Variants in DNAH9 observed in about 807,000 individuals in gnomAD.
The protein encoded by DNAH9 is DNAH9 variant protein.
A neutral mutation model predicts 471.6 loss-of-function variants in DNAH9; 345 were observed. That is an observed-to-expected ratio of 0.73 (90% CI 0.67 to 0.80). DNAH9 has a LOEUF of 0.80. Among genes scored for constraint, DNAH9 ranks in the 30% least tolerant of loss-of-function variants. DNAH9 has a pLI of 0.00. For synonymous variants in DNAH9, 2,093 were observed against 2,123.6 expected, an observed-to-expected ratio of 0.99 and a Z score of 0.40; for missense variants, 5,407 against 5,609.2, an observed-to-expected ratio of 0.96 and a Z score of 1.15.
At chr17:11,727,195 C>T (rs906705446) in intron 27 of DNAH9, among the ~76,000 whole-genome samples, 2 of 151,972 alleles carry the variant, frequency 1.3e-5, no homozygotes, top group Admixed American at 6.6e-5. Context: ...TTGGTTGCCC[C>T]GTGACTTACC....
intron 26 of DNAH9, among the ~76,000 whole-genome samples, chr17:11,707,959 CCACACACACACACA>C (rs756020074): frequency 0.011 from 1,131 of 106,340 alleles, 9 homozygotes; most frequent in East Asian, 0.032. Context: ...GCCTCTCCCA[CCACACACACACACA>C]CACACACACA....
rs148236623 is a variant in DNAH9 at position 11,838,387 on chromosome 17, G to A, written c.9507+3489G>A. 6.3e-3 allele frequency among the ~76,000 whole-genome samples: 965 copies of A among 152,254 alleles called. 8 individuals carry two copies. The highest frequency in any genetic ancestry group is 0.021 in the African/African-American group (865 of 41,542). ...TAAACTATGTGCATGTGTTACATTA[G>A]CAGAAATAAAAATTAAAAAATTTCA... On this transcript the variant is annotated intron_variant, in intron 49 of 68. Transcript: ENST00000262442.
At chr17:11,756,035 G>T (rs1967369423) in intron 33 of DNAH9, among the ~76,000 whole-genome samples, 1 of 152,098 alleles carries the variant, frequency 6.6e-6, no homozygotes. Context: ...TGAGCACTTT[G>T]GGAAGCTGAG....
At chr17:11,663,857 G>GAT (rs1463287707) in intron 14 of DNAH9, among the ~76,000 whole-genome samples, 1 of 152,198 alleles carries the variant, frequency 6.6e-6, no homozygotes, top group Non-Finnish European at 1.5e-5. Context: ...TTTGCATGGT[G>GAT]ATGGACTTTA....
intron 38 of DNAH9, among the ~76,000 whole-genome samples, chr17:11,779,108 C>G (rs1157648623): frequency 6.6e-6 from 1 of 152,132 alleles, no homozygotes; most frequent in African/African-American, 2.4e-5. Flanking sequence ...TGACACGGGT[C>G]TGTGTGGCCA....
intron 27 of DNAH9, chr17:11,723,087 T>C (rs1319664265): frequency 1.3e-5 from 2 of 152,254 alleles, no homozygotes; most frequent in Non-Finnish European, 2.9e-5. Flanking sequence ...CAGTGTGATG[T>C]GTATACCTAT....
rs1464374491 is a variant in DNAH9, at chr17:11,623,010, G to T, written c.1350+3229G>T. On this transcript the variant is annotated intron_variant, in intron 6 of 68. Transcript: ENST00000262442. The surrounding 1 kb of genome is among the most constrained non-coding windows in gnomAD (Gnocchi z 4.1). Reference sequence around the variant, plus strand: ...TTTCTCGAGATGGAGTTTTGCTCTTGTTGCCCAGGCTGGAGTGCAGTGGCA... The same window carrying T: ...TTTCTCGAGATGGAGTTTTGCTCTTTTTGCCCAGGCTGGAGTGCAGTGGCA... 1.2e-4 allele frequency among the ~76,000 whole-genome samples: 12 copies of T among 99,700 alleles called. No homozygotes were observed. The highest frequency in any genetic ancestry group is 1.9e-4 in the Non-Finnish European group (10 of 53,198). The allele number at this position is 99,700 out of a possible 152,430, so 65.4% of individuals were successfully genotyped here.
At chr17:11,715,548 C>T (rs1439409886) in intron 26 of DNAH9, among the ~76,000 whole-genome samples, 1 of 152,154 alleles carries the variant, frequency 6.6e-6, no homozygotes, top group East Asian at 1.9e-4. Flanking sequence ...ACGGCCTCAC[C>T]TTTAAAATCC....
chr17:11,823,736 C>A (rs561352852), intron 48 of DNAH9, among the ~76,000 whole-genome samples: 2 of 152,134 alleles, frequency 1.3e-5, no homozygotes, highest in South Asian at 4.2e-4. Flanking sequence ...TCGAGACCAT[C>A]CTGGCCAACA....
intron 68 of DNAH9, among the ~76,000 whole-genome samples, 195 bp from the exon 69 acceptor site, chr17:11,969,105 G>A (rs1976985170): frequency 6.6e-6 from 1 of 152,292 alleles, no homozygotes; most frequent in East Asian, 1.9e-4. Context: ...GATTTAGGCA[G>A]AGAAAAATAG....
intron 67 of DNAH9, among the ~76,000 whole-genome samples, chr17:11,953,354 A>G (rs918158600): frequency 5.3e-5 from 8 of 152,140 alleles, no homozygotes; most frequent in Non-Finnish European, 8.8e-5. Context: ...GCATCAACCT[A>G]TGACATCAGT....
chr17:11,635,168 T>TA (rs1158207988), intron 8 of DNAH9, among the ~76,000 whole-genome samples: 1 of 151,828 alleles, frequency 6.6e-6, no homozygotes, highest in Non-Finnish European at 1.5e-5. Flanking sequence ...ATTTATTATT[T>TA]TTATTTATTT....
intron 67 of DNAH9, among the ~76,000 whole-genome samples, chr17:11,956,421 T>G (rs1486283947): frequency 6.6e-6 from 1 of 152,146 alleles, no homozygotes; most frequent in Admixed American, 6.5e-5. Context: ...CTCTCAATAT[T>G]TAGTAGAACA....
Position 11,871,850 on chromosome 17 carries a change from G to A in DNAH9, c.10242+64G>A, listed in dbSNP as rs190789938. On this transcript the variant is annotated intron_variant, in intron 52 of 68. Transcript: ENST00000262442. ...CTGGGCACCAATGGGAAGACATCAC[G>A]GTCATAATTCGCATCCTCTGGTGTC... 95 of 1,555,312 alleles carry A rather than the reference G, an allele frequency of 6.1e-5. No homozygotes were observed. The African/African-American group carries it at 7.3e-4, about 12-fold the overall frequency.
At position 11,755,687 on chromosome 17, in the gene DNAH9, T is replaced by TACACACACACACAC. The variant is rs375603663; in HGVS notation, c.6739-871_6739-858dup. Among the ~76,000 whole-genome samples the TACACACACACACAC allele has an allele frequency of 1.6e-3, 231 of 148,614 alleles. 2 individuals carry two copies. The highest frequency in any genetic ancestry group is 2.8e-3 in the Non-Finnish European group (187 of 66,790). On this transcript the variant is annotated intron_variant, in intron 33 of 68. Coordinates refer to ENST00000262442, the MANE Select transcript of DNAH9 (RefSeq NM_001372.4). ...CTTTTTTTTTCTGACTCAACACACA[T>TACACACACACACAC]ACACACACACACACACACACACAGG...
In DNAH9 at chr17:11,932,924, G is replaced by A. The variant is rs553618597; in HGVS notation, c.12297+719G>A. Among the ~76,000 whole-genome samples, 17 of 152,180 alleles carry A rather than the reference G, an allele frequency of 1.1e-4. No homozygotes were observed. Among genetic ancestry groups the A allele is most frequent in the East Asian group, 5.8e-4 (3 of 5,196 alleles). ...TTCCAGTTAAGGGAATATTCACCTC[G>A]TCAAGGTTATTCTAGTTCAGGAGCC... On this transcript the variant is annotated intron_variant, in intron 64 of 68. Transcript: ENST00000262442. This position sits in a 1 kb window ranked among gnomAD's most constrained non-coding sequence, Gnocchi z 4.3.
At chr17:11,818,183 C>G (rs560046962) in intron 45 of DNAH9, among the ~76,000 whole-genome samples, 68 of 152,314 alleles carry the variant, frequency 4.5e-4, no homozygotes, top group African/African-American at 1.6e-3. Context: ...ATAATCCCAG[C>G]ACTTTGGGAG....
chr17:11,771,937 T>C (rs1298000510), intron 38 of DNAH9, among the ~76,000 whole-genome samples: 1 of 152,222 alleles, frequency 6.6e-6, no homozygotes, highest in African/African-American at 2.4e-5. Flanking sequence ...ATTACCTTCA[T>C]TTTATACATG....
intron 65 of DNAH9, among the ~76,000 whole-genome samples, chr17:11,935,192 C>T (rs1974665734): frequency 6.6e-6 from 1 of 151,370 alleles, no homozygotes; most frequent in South Asian, 2.1e-4. Flanking sequence ...GAACTCCTAA[C>T]CTCAGGTGAT....
Sources: allele counts gnomAD v4.1 joint callset (sites outside exome capture counted in the v4.1 genomes callset), GRCh38; gene constraint gnomAD v4.1.1; non-coding constraint Gnocchi (gnomAD v3.1); transcripts MANE v1.5; gene names NCBI Gene and HGNC (gene_info 2026-07-23, HGNC 2026-07-21).